Variants in BCAS3 observed in about 807,000 individuals in gnomAD.
BCAS3 encodes BCAS3 microtubule associated cell migration factor, also known as BCAS4/BCAS3 fusion.
Under a neutral mutation model 116.1 loss-of-function variants are expected in BCAS3, and 53 were observed. The ratio of observed to expected loss-of-function variants is 0.46; its 90% CI spans 0.37 to 0.57. The LOEUF (loss-of-function observed/expected upper bound fraction) is 0.57, where lower values mean the gene tolerates loss of function less well. BCAS3 is among the 20% of genes least tolerant of loss of function. BCAS3 has a pLI of 0.00. For synonymous variants in BCAS3, 391 were observed against 408.2 expected (o/e 0.96, Z 0.51); for missense variants, 917 against 1,165.4 (o/e 0.79, Z 3.10).
At chr17:60,681,659 C>G (rs1203029761) in intron 2 of BCAS3, among the ~76,000 whole-genome samples, 1 of 150,564 alleles carries the variant, frequency 6.6e-6, no homozygotes, top group Non-Finnish European at 1.5e-5. Context: ...TCAAATGATT[C>G]TCTTGCCTCA....
At position 61,037,753 on chromosome 17, in the gene BCAS3, AAG is replaced by A; in HGVS notation, c.1763-134_1763-133del. ...ACTCCATCTCCAAAAAAAAGAAAAA[AAG>A]AAAAAAATTCCTGTCTTTTCATTTT... is the stretch of plus-strand genomic sequence containing the variant. On this transcript the variant is annotated intron_variant, in intron 17 of 23. Transcript: ENST00000407086. This position sits in a 1 kb window ranked among gnomAD's most constrained non-coding sequence, Gnocchi z 4.7. The A allele has an allele frequency of 1.1e-6, 1 of 891,822 alleles. No homozygotes were observed. The highest frequency in any genetic ancestry group is 1.6e-6 in the Non-Finnish European group (1 of 620,004). The allele number at this position is 891,822 out of a possible 1,614,324, so 55.2% of individuals were successfully genotyped here. A position where few individuals can be genotyped will look rare whatever the true frequency, so the allele number is the denominator to read the frequency against.
intron 10 of BCAS3, among the ~76,000 whole-genome samples, chr17:60,896,974 C>T (rs971843241): frequency 1.8e-4 from 28 of 152,110 alleles, no homozygotes; most frequent in Middle Eastern, 3.4e-3. Context: ...AGTTCTTTCT[C>T]TTTCTCCTTT....
rs1023132301 is a variant in BCAS3, at chr17:61,391,728, G to C, written c.2594-249G>C. 7.7e-6 allele frequency: 4 copies of C among 522,422 alleles called. No homozygotes were observed. The highest frequency in any genetic ancestry group is 1.4e-5 in the Non-Finnish European group (4 of 291,114). 32.4% of individuals were successfully genotyped at this position (522,422 alleles called of 1,614,324 possible). A position where few individuals can be genotyped will look rare whatever the true frequency, so the allele number is the denominator to read the frequency against. Reference sequence around the variant, plus strand: ...GGTGGCCGTGCTTCGGGCCTAAAGGGCTTCCCGCAGCAGGGAGACGGTGCT... The same window carrying C: ...GGTGGCCGTGCTTCGGGCCTAAAGGCCTTCCCGCAGCAGGGAGACGGTGCT... On this transcript the variant is annotated intron_variant, in intron 23 of 23. Transcript: ENST00000407086. The surrounding 1 kb of genome is among the most constrained non-coding windows in gnomAD (Gnocchi z 7.7).
chr17:60,822,558 A>G (rs1317924633), intron 7 of BCAS3, among the ~76,000 whole-genome samples: 2 of 152,234 alleles, frequency 1.3e-5, no homozygotes, highest in African/African-American at 2.4e-5. Flanking sequence ...ACAGTTTTCA[A>G]TAAATATAAG....
chr17:60,747,154 C>G, intron 5 of BCAS3, 44 bp from the exon 6 acceptor site: 1 of 1,354,634 alleles, frequency 7.4e-7, no homozygotes, highest in South Asian at 1.2e-5. Flanking sequence ...ACTGTTGTGA[C>G]CTTCATTTTC....
chr17:61,138,598 A>G (rs2143921581), intron 22 of BCAS3, among the ~76,000 whole-genome samples: 1 of 152,288 alleles, frequency 6.6e-6, no homozygotes, highest in Admixed American at 6.5e-5. Flanking sequence ...TAAATTATCC[A>G]TTTAGGGGGC....
At chr17:60,812,499 A>G (rs1220389560) in intron 7 of BCAS3, among the ~76,000 whole-genome samples, 1 of 152,182 alleles carries the variant, frequency 6.6e-6, no homozygotes, top group East Asian at 1.9e-4. Flanking sequence ...TTAGGAGAAA[A>G]GACAGGAGAT....
intron 23 of BCAS3, among the ~76,000 whole-genome samples, chr17:61,375,730 G>C (rs1410907045): frequency 6.6e-6 from 1 of 151,908 alleles, no homozygotes; most frequent in Non-Finnish European, 1.5e-5. Flanking sequence ...GCGCCACCAT[G>C]CCCAGCTAAT....
At chr17:60,866,703 T>A (rs2054626380) in intron 7 of BCAS3, among the ~76,000 whole-genome samples, 1 of 148,294 alleles carries the variant, frequency 6.7e-6, no homozygotes, top group African/African-American at 2.5e-5. Context: ...ATGTGTAGAT[T>A]GGTTTTGGCA....
In BCAS3 at chr17:61,214,420, C is replaced by T. The variant is rs1204739867; in HGVS notation, c.2425+129856C>T. On this transcript the variant is annotated intron_variant, in intron 22 of 23. Transcript: ENST00000407086. The surrounding 1 kb of genome is among the most constrained non-coding windows in gnomAD (Gnocchi z 4.4). The stretch of plus-strand genomic sequence containing the variant: ...ATATTTTAGGCTGGGCGCAGTGGCT[C>T]ATGCCTGTAATCCCAGCACTTTGCA... Among the ~76,000 whole-genome samples, 4 of 150,486 alleles carry T rather than the reference C, an allele frequency of 2.7e-5. No individual in the cohort carries two copies. Among genetic ancestry groups the T allele is most frequent in the Non-Finnish European group, 5.9e-5 (4 of 67,936 alleles).
intron 7 of BCAS3, among the ~76,000 whole-genome samples, chr17:60,830,074 C>T (rs28566846): frequency 0.22 from 33,186 of 151,980 alleles, 4,654 homozygotes; most frequent in African/African-American, 0.4. Flanking sequence ...TCACCGCAAC[C>T]TCTGCCTCCT....
chr17:61,380,667 C>T lies in BCAS3; in HGVS notation c.2594-11310C>T, dbSNP rs546635090. On this transcript the variant is annotated intron_variant, in intron 23 of 23. Transcript: ENST00000407086. This position sits in a 1 kb window ranked among gnomAD's most constrained non-coding sequence, Gnocchi z 4.2. ...GCCCTCCTACCCCCTCGTGCCCAGG[C>T]CCAGGAGCACTCTAGGGAGGGCAGG... 3.5e-6 allele frequency: 4 copies of T among 1,150,858 alleles called. No homozygotes were observed. The African/African-American group carries it at 6.1e-5, about 18-fold the overall frequency. The allele number at this position is 1,150,858 out of a possible 1,614,324, so 71.3% of individuals were successfully genotyped here.
chr17:61,040,941 T>A (rs1171002585), intron 19 of BCAS3, 49 bp downstream of exon 19: 4 of 1,479,218 alleles, frequency 2.7e-6, no homozygotes, highest in Non-Finnish European at 3.8e-6. Flanking sequence ...TATTCAGATT[T>A]CATCTTAAAA....
intron 12 of BCAS3, among the ~76,000 whole-genome samples, chr17:60,921,335 C>T (rs2059073088): frequency 6.6e-6 from 1 of 152,168 alleles, no homozygotes; most frequent in African/African-American, 2.4e-5. Context: ...CATATTCTCA[C>T]TTATAAGTGG....
intron 16 of BCAS3, chr17:61,027,476 CTCA>C (rs531141509): frequency 2.5e-6 from 1 of 404,266 alleles, no homozygotes; most frequent in South Asian, 1.9e-5. Context: ...TTAGCACATA[CTCA>C]TCATAGCTTA....
At chr17:61,035,498 G>T (rs543999503) in intron 17 of BCAS3, among the ~76,000 whole-genome samples, 9 of 148,286 alleles carry the variant, frequency 6.1e-5, no homozygotes, top group African/African-American at 7.6e-5. Flanking sequence ...CAGGAGAATC[G>T]CTTGAACTCG....
At position 61,138,152 on chromosome 17, in the gene BCAS3, A is replaced by T. The variant is rs184635241; in HGVS notation, c.2425+53588A>T. ...CTGTGCTGTCCAATATAATAGTCAC[A>T]TGTGGCTGCTGAGTGCTGGGAATGT... On this transcript the variant is annotated intron_variant, in intron 22 of 23. Coordinates refer to ENST00000407086, the MANE Select transcript of BCAS3 (RefSeq NM_017679.5). 3.9e-5 allele frequency among the ~76,000 whole-genome samples: 6 copies of T among 152,348 alleles called. No individual in the cohort carries two copies. In the East Asian group the frequency reaches 9.6e-4, roughly 24 times the overall value.
chr17:60,794,668 C>T (rs1458459709), intron 6 of BCAS3, among the ~76,000 whole-genome samples: 2 of 152,268 alleles, frequency 1.3e-5, no homozygotes, highest in Admixed American at 1.3e-4. Context: ...GGTGTCCTTT[C>T]CCCACTTTAT....
At chr17:60,921,413 A>G (rs980112824) in intron 12 of BCAS3, among the ~76,000 whole-genome samples, 1 of 152,082 alleles carries the variant, frequency 6.6e-6, no homozygotes, top group African/African-American at 2.4e-5. Flanking sequence ...GGAGATCGAG[A>G]CCATCCCGGC....
Sources: gnomAD v4.1 joint callset for allele counts (sites outside exome capture counted in the v4.1 genomes callset) on GRCh38, gnomAD v4.1.1 for gene constraint, Gnocchi (gnomAD v3.1) non-coding constraint, MANE v1.5 for transcripts, NCBI Gene and HGNC (gene_info 2026-07-23, HGNC 2026-07-21) for gene names.